Variants in GAB2 observed in about 807,000 individuals in gnomAD.
GAB2 encodes the protein GRB2 associated binding protein 2.
A neutral mutation model predicts 65.5 loss-of-function variants in GAB2; 26 were observed. That is an observed-to-expected ratio of 0.40 (90% CI 0.29 to 0.55). The LOEUF (loss-of-function observed/expected upper bound fraction) is 0.55, where lower values mean the gene tolerates loss of function less well. GAB2 is among the 20% of genes least tolerant of loss of function. GAB2 has a pLI of 0.53. For missense variants in GAB2, 884 were observed against 875.8 expected (o/e 1.01, Z -0.12); for synonymous variants, 321 against 329.6 (o/e 0.97, Z 0.28).
At chr11:78,285,736 G>A (rs1002652335) in intron 1 of GAB2, among the ~76,000 whole-genome samples, 2 of 152,144 alleles carry the variant, frequency 1.3e-5, no homozygotes, top group African/African-American at 4.8e-5. Flanking sequence ...CAAAGTGCTG[G>A]GATTACAGGC....
At chr11:78,270,586 C>T (rs200194487) in intron 2 of GAB2, among the ~76,000 whole-genome samples, 6 of 152,234 alleles carry the variant, frequency 3.9e-5, no homozygotes, top group East Asian at 3.9e-4. Context: ...CTTGCTTTTG[C>T]GATAGGAATG....
At chr11:78,312,599 T>C (rs1342233273) in intron 1 of GAB2, among the ~76,000 whole-genome samples, 1 of 151,984 alleles carries the variant, frequency 6.6e-6, no homozygotes, top group East Asian at 1.9e-4. Flanking sequence ...CTAATTTTTT[T>C]TGTAGTTTTA....
At chr11:78,292,205 T>C (rs1866701694) in intron 1 of GAB2, among the ~76,000 whole-genome samples, 2 of 152,218 alleles carry the variant, frequency 1.3e-5, no homozygotes. Flanking sequence ...TTCATAGGAT[T>C]CTCTAGGTTT....
At chr11:78,220,529 ACT>A (rs1278943500) in intron 8 of GAB2, 85 bp from the exon 9 acceptor site, 4 of 1,211,610 alleles carry the variant, frequency 3.3e-6, no homozygotes, top group Non-Finnish European at 4.6e-6. Flanking sequence ...GAGTAAGAAC[ACT>A]GTTTCCCTGA....
In GAB2 at chr11:78,283,134, G is replaced by A. The variant is rs1441542497; in HGVS notation, c.76-2233C>T. On this transcript the variant is annotated intron_variant, in intron 1 of 9. Coordinates refer to ENST00000361507, the MANE Select transcript of GAB2 (RefSeq NM_080491.3). ...TCCTGTTCTTTGGCAACAATCTCTT[G>A]GCCTCTCTCTTTAAACCTCCAATGC... Among the ~76,000 whole-genome samples, 8 of 152,002 alleles carry A rather than the reference G, an allele frequency of 5.3e-5. No individual in the cohort carries two copies. In the East Asian group the frequency reaches 1.5e-3, roughly 29 times the overall value.
intron 7 of GAB2, 44 bp downstream of exon 7, chr11:78,222,061 A>C (rs766702737): frequency 1.6e-6 from 2 of 1,275,704 alleles, no homozygotes; most frequent in South Asian, 2.4e-5. Flanking sequence ...CATTTTCCCT[A>C]ATGGCCCGAC....
chr11:78,242,799 T>A (rs1018276800), intron 3 of GAB2, among the ~76,000 whole-genome samples: 37 of 152,172 alleles, frequency 2.4e-4, no homozygotes, highest in African/African-American at 8.7e-4. Context: ...GAAGTTAATT[T>A]TTTCAAAGAA....
At chr11:78,297,953 T>A (rs1405065337) in intron 1 of GAB2, among the ~76,000 whole-genome samples, 2 of 152,158 alleles carry the variant, frequency 1.3e-5, no homozygotes, top group Non-Finnish European at 2.9e-5. Flanking sequence ...TTGAGGGGAA[T>A]GGGCATATAA....
chr11:78,321,099 T>C (rs776023016), intron 1 of GAB2, among the ~76,000 whole-genome samples: 5 of 152,146 alleles, frequency 3.3e-5, no homozygotes, highest in African/African-American at 9.7e-5. Flanking sequence ...AAGGATTTGG[T>C]CTGAAAAGTT....
chr11:78,275,253 C>T (rs1459500886), intron 2 of GAB2, among the ~76,000 whole-genome samples: 5 of 151,928 alleles, frequency 3.3e-5, no homozygotes, highest in East Asian at 1.9e-4. Context: ...AGTGGGTAGA[C>T]GGAGAAGATT....
intron 1 of GAB2, among the ~76,000 whole-genome samples, chr11:78,396,912 A>G (rs999776271): frequency 5.3e-5 from 8 of 152,210 alleles, no homozygotes; most frequent in Non-Finnish European, 8.8e-5. Flanking sequence ...AATATTTTCA[A>G]TATATTAACT....
intron 1 of GAB2, among the ~76,000 whole-genome samples, chr11:78,362,955 C>T (rs1170137736): frequency 1.3e-5 from 2 of 152,014 alleles, no homozygotes; most frequent in Admixed American, 1.3e-4. Flanking sequence ...GTAATATGGC[C>T]TCGAAATATA....
At chr11:78,306,514 T>C (rs1007241642) in intron 1 of GAB2, among the ~76,000 whole-genome samples, 1 of 152,224 alleles carries the variant, frequency 6.6e-6, no homozygotes, top group African/African-American at 2.4e-5. Flanking sequence ...TTACAGGCGG[T>C]GAGCACTGCG....
intron 1 of GAB2, among the ~76,000 whole-genome samples, chr11:78,372,223 A>G (rs1295193923): frequency 6.6e-6 from 1 of 152,150 alleles, no homozygotes; most frequent in Non-Finnish European, 1.5e-5. Context: ...CTTTCACCTT[A>G]GCCTCTCTCT....
chr11:78,262,579 G>A (rs529877876), intron 2 of GAB2, among the ~76,000 whole-genome samples: 19 of 152,176 alleles, frequency 1.2e-4, no homozygotes, highest in African/African-American at 4.3e-4. Flanking sequence ...ACAGAGCCTC[G>A]CAGGACCCAG....
rs188751197 is a variant in GAB2, at chr11:78,282,234, G to A, written c.76-1333C>T. ...TTCAACAAGACTGAGTAATCTGTAAGCAGACATTGCACAAAGACTACATAT... is the reference window on the plus strand; with the variant it reads ...TTCAACAAGACTGAGTAATCTGTAAACAGACATTGCACAAAGACTACATAT... On this transcript the variant is annotated intron_variant, in intron 1 of 9. Transcript: ENST00000361507. Among the ~76,000 whole-genome samples, 529 of 152,114 alleles carry A rather than the reference G, an allele frequency of 3.5e-3. 2 individuals carry two copies. Among genetic ancestry groups the A allele is most frequent in the African/African-American group, 0.012 (495 of 41,494 alleles).
At chr11:78,255,316 G>C (rs1865566866) in intron 2 of GAB2, among the ~76,000 whole-genome samples, 1 of 152,158 alleles carries the variant, frequency 6.6e-6, no homozygotes, top group Admixed American at 6.5e-5. Context: ...CTAGCCTCTA[G>C]AACTGTGAGA....
intron 2 of GAB2, among the ~76,000 whole-genome samples, chr11:78,256,143 C>A (rs1015963544): frequency 1.3e-5 from 2 of 151,816 alleles, no homozygotes; most frequent in African/African-American, 2.4e-5. Flanking sequence ...TTCATGAGAG[C>A]CAAAAAATGG....
At chr11:78,242,480 C>T (rs1466257176) in intron 3 of GAB2, among the ~76,000 whole-genome samples, 4 of 149,222 alleles carry the variant, frequency 2.7e-5, no homozygotes, top group Admixed American at 2.0e-4. Flanking sequence ...CCAGCCTGGG[C>T]GACAGAGCGA....
Sources: allele counts gnomAD v4.1 joint callset (sites outside exome capture counted in the v4.1 genomes callset), GRCh38; gene constraint gnomAD v4.1.1; transcripts MANE v1.5; gene names NCBI Gene and HGNC (gene_info 2026-07-23, HGNC 2026-07-21).